SLC25A16: variants seen among roughly 807,000 people sequenced by gnomAD.
SLC25A16 encodes mitochondrial coenzyme A transporter SLC25A16.
In SLC25A16, 39 loss-of-function variants were observed where a neutral mutation model predicts 41.5. The observed-to-expected ratio is 0.94, with a 90% CI of 0.73 to 1.23. SLC25A16 has a LOEUF of 1.23. Ranked by LOEUF, SLC25A16 falls within the 50% of genes most tolerant of loss-of-function variation. The probability of loss-of-function intolerance (pLI) is 0.00; values close to 1 mark genes in which losing one functional copy is unlikely to be tolerated. For missense variants in SLC25A16, 421 were observed against 426.9 expected, an observed-to-expected ratio of 0.99 and a Z score of 0.12; for synonymous variants, 146 against 147.8, an observed-to-expected ratio of 0.99 and a Z score of 0.09.
chr10:68,501,354 T>C (rs1424258417), intron 4 of SLC25A16, among the ~76,000 whole-genome samples: 1 of 152,124 alleles, frequency 6.6e-6, no homozygotes, highest in Non-Finnish European at 1.5e-5. Context: ...TTCCTCATAA[T>C]ATTGTCCTGT....
In SLC25A16 at chr10:68,478,241, C is replaced by T. The variant is rs1238431396; in HGVS notation, c.*5191G>A. On this transcript the variant is annotated 3_prime_UTR_variant, in exon 9 of 9. Coordinates refer to ENST00000609923, the MANE Select transcript of SLC25A16 (RefSeq NM_152707.4). Reference sequence around the variant, plus strand: ...AAGAAATATTAAATGGTACTTATATCATAGTATTGTAATGGAGATTGAGCT... The same window carrying T: ...AAGAAATATTAAATGGTACTTATATTATAGTATTGTAATGGAGATTGAGCT... The T allele has an allele frequency of 1.3e-5, 2 of 152,148 alleles. No homozygotes were observed. The highest frequency in any genetic ancestry group is 4.8e-5 in the African/African-American group (2 of 41,446). The allele number at this position is 152,148 out of a possible 1,614,324, so 9.4% of individuals were successfully genotyped here. A position where few individuals can be genotyped will look rare whatever the true frequency, so the allele number is the denominator to read the frequency against.
At chr10:68,515,494 T>C (rs1336774236) in intron 2 of SLC25A16, among the ~76,000 whole-genome samples, 3 of 151,966 alleles carry the variant, frequency 2.0e-5, no homozygotes, top group Non-Finnish European at 1.5e-5. Context: ...CCATCTCTTA[T>C]TGCATTTAAA....
rs754065759 is a variant in SLC25A16, at chr10:68,499,839, A to G, written c.421+3793T>C. The G allele has an allele frequency of 1.1e-4, 57 of 507,804 alleles. 1 individual carries two copies. The highest frequency in any genetic ancestry group is 1.9e-4 in the Non-Finnish European group (50 of 269,518). The allele number at this position is 507,804 out of a possible 1,614,324, so 31.5% of individuals were successfully genotyped here. A position where few individuals can be genotyped will look rare whatever the true frequency, so the allele number is the denominator to read the frequency against. ...ATCCATGTAGACATTCACCACAGCA[A>G]GTGGTTCTCACTAGGATAAAACTGA... On this transcript the variant is annotated intron_variant, in intron 4 of 8. Coordinates refer to ENST00000609923, the MANE Select transcript of SLC25A16 (RefSeq NM_152707.4).
chr10:68,493,161 G>A lies in SLC25A16; in HGVS notation c.581C>T (p.Pro194Leu). 1 of 1,598,044 alleles carries A rather than the reference G, an allele frequency of 6.3e-7. No individual in the cohort carries two copies. Among genetic ancestry groups the A allele is most frequent in the Non-Finnish European group, 8.5e-7 (1 of 1,175,126 alleles). The change falls in exon 6 of 9, where the codon CCT becomes CTT. Residue 194 changes from proline (P) to leucine (L), a missense_variant. Physicochemically the swap from Pro to Leu is moderately conservative, Grantham distance 98. Coordinates refer to ENST00000609923, the MANE Select transcript of SLC25A16 (RefSeq NM_152707.4). ...GFFGFYRGLM[P>L]TILGMAPYAG... ...ATATGGAGCCATTCCTAAAATAGTAGGCATCAGACCTCTGTAAAATCCAAA... is the reference window on the plus strand; with the variant it reads ...ATATGGAGCCATTCCTAAAATAGTAAGCATCAGACCTCTGTAAAATCCAAA...
intron 4 of SLC25A16, among the ~76,000 whole-genome samples, chr10:68,501,626 A>C (rs1020312372): frequency 6.6e-6 from 1 of 152,004 alleles, no homozygotes; most frequent in Non-Finnish European, 1.5e-5. Context: ...ATTTGACTCA[A>C]AATTTGAATG....
chr10:68,492,962 C>A (rs531750853), intron 6 of SLC25A16, among the ~76,000 whole-genome samples, 170 bp downstream of exon 6: 4 of 150,644 alleles, frequency 2.7e-5, no homozygotes, highest in African/African-American at 9.8e-5. Context: ...CAATTATACA[C>A]GAATAGTCAT....
chr10:68,493,303 C>T, intron 5 of SLC25A16, 105 bp from the exon 6 acceptor site: 1 of 1,117,908 alleles, frequency 8.9e-7, no homozygotes. Flanking sequence ...CAGGGATCCA[C>T]CCTGAAACAC....
In SLC25A16 at chr10:68,478,403, T is replaced by C. The variant is rs921034436; in HGVS notation, c.*5029A>G. 2 of 152,210 alleles carry C rather than the reference T, an allele frequency of 1.3e-5. No homozygotes were observed. The highest frequency in any genetic ancestry group is 4.8e-5 in the African/African-American group (2 of 41,462). The allele number at this position is 152,210 out of a possible 1,614,324, so 9.4% of individuals were successfully genotyped here. ...GTTTCAAAGAATAGATGCGAGGAAC[T>C]ATGTAAAGTGTATGCTTGCTATACA... On this transcript the variant is annotated 3_prime_UTR_variant, in exon 9 of 9. Transcript: ENST00000609923.
At chr10:68,525,405 G>A (rs745663435) in intron 1 of SLC25A16, among the ~76,000 whole-genome samples, 4 of 152,020 alleles carry the variant, frequency 2.6e-5, no homozygotes, top group Non-Finnish European at 5.9e-5. Flanking sequence ...CAAAGTGCTG[G>A]GATTACAGGC....
rs1359040248 is a variant in SLC25A16, at chr10:68,516,808, G to A, written c.166C>T (p.Pro56Ser). The change falls in exon 2 of 9, where the codon CCA becomes TCA. Residue 56 changes from proline (P) to serine (S), a missense_variant. By Grantham distance (74) the Pro-to-Ser change is moderately conservative. Coordinates refer to ENST00000609923, the MANE Select transcript of SLC25A16 (RefSeq NM_152707.4). ...AATAAAACCTTTACTCGATCCAATG[G>A]AGCAACTGTTGTTTTGGCACAGCAT... ...AGCCAKTTVA[P>S]LDRVKVLLQA... 1 of 1,613,366 alleles carries A rather than the reference G, an allele frequency of 6.2e-7. No homozygotes were observed. Among genetic ancestry groups the A allele is most frequent in the African/African-American group, 1.3e-5 (1 of 75,006 alleles).
intron 4 of SLC25A16, among the ~76,000 whole-genome samples, chr10:68,495,077 T>A (rs2052727513): frequency 6.6e-6 from 1 of 151,706 alleles, no homozygotes; most frequent in Non-Finnish European, 1.5e-5. Context: ...AGCCCAAAAG[T>A]TCGAGAACAG....
At position 68,481,856 on chromosome 10, in the gene SLC25A16, G is replaced by C. The variant is rs981435521; in HGVS notation, c.*1576C>G. Reference sequence around the variant, plus strand: ...TGACTTCAGGTGATCCACCCAACTCGGCCTCCCAAAGTGCTGGGAATAAAG... The same window carrying C: ...TGACTTCAGGTGATCCACCCAACTCCGCCTCCCAAAGTGCTGGGAATAAAG... On this transcript the variant is annotated 3_prime_UTR_variant, in exon 9 of 9. Coordinates refer to ENST00000609923, the MANE Select transcript of SLC25A16 (RefSeq NM_152707.4). 6.6e-6 allele frequency: 1 copy of C among 151,004 alleles called. No homozygotes were observed. The highest frequency in any genetic ancestry group is 1.5e-5 in the Non-Finnish European group (1 of 67,686). The allele number at this position is 151,004 out of a possible 1,614,324, so 9.4% of individuals were successfully genotyped here. A position where few individuals can be genotyped will look rare whatever the true frequency, so the allele number is the denominator to read the frequency against.
chr10:68,496,274 C>T (rs2052749097), intron 4 of SLC25A16, among the ~76,000 whole-genome samples: 1 of 152,140 alleles, frequency 6.6e-6, no homozygotes, highest in African/African-American at 2.4e-5. Flanking sequence ...CCATAACAAT[C>T]ATTCAGAGGG....
chr10:68,504,447 T>TC (rs2052915803), intron 3 of SLC25A16, among the ~76,000 whole-genome samples: 1 of 151,772 alleles, frequency 6.6e-6, no homozygotes. Context: ...TTTTTGTTTT[T>TC]TTTTTTGAGA....
At chr10:68,522,814 CAAAAAAAAAAAAAA>C (rs58143466) in intron 1 of SLC25A16, among the ~76,000 whole-genome samples, 1 of 65,468 alleles carries the variant, frequency 1.5e-5, no homozygotes, top group Non-Finnish European at 2.8e-5. Flanking sequence ...GATTCCTTCT[CAAAAAAAAAAAAAA>C]AAAAAAAAAA....
At chr10:68,524,409 C>A (rs1168188176) in intron 1 of SLC25A16, among the ~76,000 whole-genome samples, 1 of 147,360 alleles carries the variant, frequency 6.8e-6, no homozygotes, top group Non-Finnish European at 1.5e-5. Context: ...GGTGTGGTGG[C>A]ACACACCTAT....
At chr10:68,486,602 G>A (rs1564908965) in intron 8 of SLC25A16, among the ~76,000 whole-genome samples, 1 of 151,622 alleles carries the variant, frequency 6.6e-6, no homozygotes, top group Non-Finnish European at 1.5e-5. Context: ...TCAAACTCCT[G>A]ACCTCAGGTG....
chr10:68,485,083 A>T lies in SLC25A16; in HGVS notation c.843-1495T>A, dbSNP rs556978351. On this transcript the variant is annotated intron_variant, in intron 8 of 8. Transcript: ENST00000609923. ...AAATATTTTTAACAATTATATATATATTTTTTCTTCTTTTTCTTTTCTTTT... is the reference window on the plus strand; with the variant it reads ...AAATATTTTTAACAATTATATATATTTTTTTTCTTCTTTTTCTTTTCTTTT... Among the ~76,000 whole-genome samples, 15 of 152,130 alleles carry T rather than the reference A, an allele frequency of 9.9e-5. No individual in the cohort carries two copies. In the South Asian group the frequency reaches 1.9e-3, roughly 19 times the overall value.
chr10:68,487,770 G>C (rs2052588384), intron 7 of SLC25A16, among the ~76,000 whole-genome samples: 1 of 152,188 alleles, frequency 6.6e-6, no homozygotes, highest in South Asian at 2.1e-4. Flanking sequence ...CTTGAATACA[G>C]TAGACCAATA....
Sources: allele counts gnomAD v4.1 joint callset (sites outside exome capture counted in the v4.1 genomes callset), GRCh38; gene constraint gnomAD v4.1.1; transcripts MANE v1.5; gene names NCBI Gene and HGNC (gene_info 2026-07-23, HGNC 2026-07-21).